PCSK6: variants seen among roughly 807,000 people sequenced by gnomAD.
PCSK6 encodes proprotein convertase subtilisin/kexin type 6, also known as paired basic amino acid cleaving enzyme 4.
PCSK6 carries 85 observed loss-of-function variants against 123.3 expected under a neutral mutation model. The ratio of observed to expected loss-of-function variants is 0.69; its 90% confidence interval spans 0.58 to 0.83. The LOEUF is 0.83. PCSK6 is among the 40% of genes least tolerant of loss of function. The pLI, the probability that PCSK6 is intolerant of heterozygous loss-of-function variation, is 0.00. For missense variants in PCSK6, 1,191 were observed against 1,282.3 expected, an observed-to-expected ratio of 0.93 and a Z score of 1.09; for synonymous variants, 508 against 516.0, an observed-to-expected ratio of 0.98 and a Z score of 0.21.
intron 11 of PCSK6, among the ~76,000 whole-genome samples, chr15:101,373,443 G>A (rs547770286): frequency 3.3e-5 from 5 of 152,330 alleles, no homozygotes; most frequent in South Asian, 2.1e-4. Context: ...CTGGGGCAGC[G>A]CGGGAGCCCA....
chr15:101,447,937 G>C (rs1421630704), intron 1 of PCSK6, among the ~76,000 whole-genome samples: 1 of 152,230 alleles, frequency 6.6e-6, no homozygotes, highest in Admixed American at 6.5e-5. Flanking sequence ...CTCGATTATA[G>C]AAGGGAGGCG....
chr15:101,378,513 G>C (rs112966152), intron 11 of PCSK6, among the ~76,000 whole-genome samples: 16 of 152,346 alleles, frequency 1.1e-4, no homozygotes, highest in Admixed American at 2.0e-4. Flanking sequence ...TACCCCGTGT[G>C]GGCTCCTGGA....
intron 11 of PCSK6, among the ~76,000 whole-genome samples, chr15:101,371,379 C>T (rs2041582042): frequency 6.6e-6 from 1 of 152,154 alleles, no homozygotes; most frequent in African/African-American, 2.4e-5. Context: ...AAAGGCCAGA[C>T]CTCACCACAC....
intron 6 of PCSK6, among the ~76,000 whole-genome samples, chr15:101,420,930 G>A (rs1163278014): frequency 6.6e-6 from 1 of 152,114 alleles, no homozygotes; most frequent in African/African-American, 2.4e-5. Flanking sequence ...GGAAACTGGG[G>A]GTTGAAGGAG....
intron 20 of PCSK6, chr15:101,313,104 T>C: frequency 7.2e-7 from 1 of 1,397,986 alleles, no homozygotes; most frequent in Non-Finnish European, 9.4e-7. Context: ...TCCCGCGTAG[T>C]CCACCAATGG....
chr15:101,479,756 G>C (rs1027239506), intron 1 of PCSK6, among the ~76,000 whole-genome samples: 3 of 152,184 alleles, frequency 2.0e-5, no homozygotes, highest in African/African-American at 7.2e-5. Flanking sequence ...TATCCAACAC[G>C]AGGCAGCCCC....
rs537880954 is a variant in PCSK6, at chr15:101,421,463, A to G, written c.823+6429T>C. ...GTGATCCATTTCTAATGCACAGAGTATGGCTGAAGAGATGGTACATGACTT... is the reference window on the plus strand; with the variant it reads ...GTGATCCATTTCTAATGCACAGAGTGTGGCTGAAGAGATGGTACATGACTT... On this transcript the variant is annotated intron_variant, in intron 6 of 21. Transcript: ENST00000611716. Among the ~76,000 whole-genome samples the G allele has an allele frequency of 4.6e-5, 7 of 152,346 alleles. No individual in the cohort carries two copies. The South Asian group carries it at 1.5e-3, about 32-fold the overall frequency.
intron 16 of PCSK6, 65 bp downstream of exon 16, chr15:101,326,312 G>A (rs1596185909): frequency 5.5e-6 from 7 of 1,263,796 alleles, no homozygotes; most frequent in Non-Finnish European, 7.9e-6. Context: ...AGGACATGGA[G>A]GGGCTAAGGA....
At chr15:101,397,406 AAT>A (rs1435135515) in intron 7 of PCSK6, among the ~76,000 whole-genome samples, 1 of 152,188 alleles carries the variant, frequency 6.6e-6, no homozygotes, top group Non-Finnish European at 1.5e-5. Flanking sequence ...GCCACACTGC[AAT>A]CACTATGCAT....
At chr15:101,373,391 C>A (rs761199626) in intron 11 of PCSK6, among the ~76,000 whole-genome samples, 22 of 152,226 alleles carry the variant, frequency 1.4e-4, no homozygotes, top group Non-Finnish European at 2.9e-4. Context: ...ACTGCTAAAT[C>A]ACTCAGTTAC....
chr15:101,402,807 T>C (rs1205253157), intron 6 of PCSK6, among the ~76,000 whole-genome samples: 1 of 152,238 alleles, frequency 6.6e-6, no homozygotes, highest in African/African-American at 2.4e-5. Context: ...ATAGGAACAC[T>C]TTTACACTGT....
chr15:101,384,090 T>G, intron 10 of PCSK6: 1 of 983,154 alleles, frequency 1.0e-6, no homozygotes, highest in Non-Finnish European at 1.2e-6. Flanking sequence ...TGGCCAAAGT[T>G]ATAGAGTATA....
At chr15:101,456,779 G>C (rs2057195044) in intron 1 of PCSK6, among the ~76,000 whole-genome samples, 1 of 152,186 alleles carries the variant, frequency 6.6e-6, no homozygotes, top group Non-Finnish European at 1.5e-5. Flanking sequence ...GGGAGAGAAA[G>C]GGGGAATACA....
At chr15:101,433,748 C>A (rs1596328706) in intron 2 of PCSK6, among the ~76,000 whole-genome samples, 1 of 152,364 alleles carries the variant, frequency 6.6e-6, no homozygotes, top group Admixed American at 6.5e-5. Context: ...CAAGATTTCT[C>A]TTCCTCCTCC....
At chr15:101,425,338 C>T (rs1052747490) in intron 6 of PCSK6, among the ~76,000 whole-genome samples, 1 of 152,168 alleles carries the variant, frequency 6.6e-6, no homozygotes, top group African/African-American at 2.4e-5. Flanking sequence ...CAACCCGCTT[C>T]CTCCTGGTTC....
At chr15:101,455,396 G>GT (rs1330552571) in intron 1 of PCSK6, among the ~76,000 whole-genome samples, 1 of 152,214 alleles carries the variant, frequency 6.6e-6, no homozygotes, top group Non-Finnish European at 1.5e-5. Flanking sequence ...CTATTGTGTG[G>GT]TTTCCCTTAA....
At chr15:101,471,930 C>T (rs946277178) in intron 1 of PCSK6, among the ~76,000 whole-genome samples, 4 of 152,178 alleles carry the variant, frequency 2.6e-5, no homozygotes, top group Admixed American at 1.3e-4. Flanking sequence ...TGCTGGTTGT[C>T]TGTTCCTTTC....
At chr15:101,326,087 C>T (rs984121357) in intron 16 of PCSK6, among the ~76,000 whole-genome samples, 2 of 152,242 alleles carry the variant, frequency 1.3e-5, no homozygotes, top group South Asian at 2.1e-4. Flanking sequence ...AGCCTTGGCA[C>T]GCCCAACATG....
At chr15:101,459,443 A>C (rs1163722019) in intron 1 of PCSK6, among the ~76,000 whole-genome samples, 1 of 145,116 alleles carries the variant, frequency 6.9e-6, no homozygotes, top group Non-Finnish European at 1.5e-5. Context: ...CCCTAAGTCC[A>C]CATCACCTGC....
Sources: allele counts gnomAD v4.1 joint callset (sites outside exome capture counted in the v4.1 genomes callset), GRCh38; gene constraint gnomAD v4.1.1; transcripts MANE v1.5; gene names NCBI Gene and HGNC (gene_info 2026-07-23, HGNC 2026-07-21).